The following BRWD1 variants were observed in gnomAD, a reference collection of about 807,000 sequenced individuals.
BRWD1 encodes bromodomain and WD repeat domain containing 1.
BRWD1 carries 82 observed loss-of-function variants against 251.2 expected under a neutral mutation model. The observed-to-expected ratio is 0.33, with a 90% CI of 0.27 to 0.39. The LOEUF is 0.39. Among genes scored for constraint, BRWD1 ranks in the 10% least tolerant of loss-of-function variants. BRWD1 has a pLI of 1.00. For synonymous variants in BRWD1, 918 were observed against 902.8 expected (o/e 1.02, Z -0.30); for missense variants, 2,233 against 2,711.6 (o/e 0.82, Z 3.92).
At position 39,296,603 on chromosome 21, in the gene BRWD1, G is replaced by A. The variant is rs2035968678; in HGVS notation, c.350-240C>T. ...TGTAGCACTTTACAATTCACAAAGT[G>A]CTTTCAACATACATTAGCTCATTGA... On this transcript the variant is annotated intron_variant, in intron 5 of 40. Transcript: ENST00000342449. 15 of 1,085,420 alleles carry A rather than the reference G, an allele frequency of 1.4e-5. No homozygotes were observed. In the East Asian group the frequency reaches 6.4e-4, roughly 46 times the overall value. 67.2% of individuals were successfully genotyped at this position (1,085,420 alleles called of 1,614,324 possible). A position where few individuals can be genotyped will look rare whatever the true frequency, so the allele number is the denominator to read the frequency against.
chr21:39,263,771 A>AT (rs2034831153), intron 17 of BRWD1, among the ~76,000 whole-genome samples: 1 of 152,216 alleles, frequency 6.6e-6, no homozygotes, highest in Non-Finnish European at 1.5e-5. Flanking sequence ...GGTTATTGAC[A>AT]TATCTCCCCA....
chr21:39,265,011 T>A lies in BRWD1; in HGVS notation c.1539A>T (p.Gly513=). ...AGTCAAACACAGCTCCATGTCCTTG[T>A]CCTTCAATCTAGGAAACACAAAAGG... is the stretch of plus-strand genomic sequence containing the variant. ...KMKHYFNMIE[G]QGHGAVFDCK... The change falls in exon 16 of 41, where the codon GGA becomes GGT. Residue 513 remains glycine, a synonymous_variant. Coordinates refer to ENST00000342449, the MANE Select transcript of BRWD1 (RefSeq NM_033656.4). 1 of 1,612,124 alleles carries A rather than the reference T, an allele frequency of 6.2e-7. No homozygotes were observed. The highest frequency in any genetic ancestry group is 1.7e-5 in the Admixed American group (1 of 59,422).
chr21:39,236,890 G>C (rs968964965), intron 22 of BRWD1, 106 bp from the exon 23 acceptor site: 18 of 967,572 alleles, frequency 1.9e-5, no homozygotes, highest in African/African-American at 3.3e-5. Context: ...AAAGGGAAGG[G>C]AAGATACCAG....
Position 39,188,921 on chromosome 21 carries a change from T to A in BRWD1, c.*7338A>T. On this transcript the variant is annotated 3_prime_UTR_variant, in exon 41 of 41. Coordinates refer to ENST00000342449, the MANE Select transcript of BRWD1 (RefSeq NM_033656.4). ...GCATTTTACCAGAGTAAGACACTCATCACGGCATTACTCTCATGCAGCATG... is the reference window on the plus strand; with the variant it reads ...GCATTTTACCAGAGTAAGACACTCAACACGGCATTACTCTCATGCAGCATG... The A allele has an allele frequency of 1.0e-6, 1 of 985,392 alleles. No individual in the cohort carries two copies. The highest frequency in any genetic ancestry group is 1.2e-6 in the Non-Finnish European group (1 of 829,912). The allele number at this position is 985,392 out of a possible 1,614,324, so 61.0% of individuals were successfully genotyped here. A position where few individuals can be genotyped will look rare whatever the true frequency, so the allele number is the denominator to read the frequency against.
At chr21:39,202,104 T>C (rs13051430) in intron 38 of BRWD1, among the ~76,000 whole-genome samples, 141,154 of 152,352 alleles carry the variant, frequency 0.93, 65,745 homozygotes, top group African/African-American at 0.97. Context: ...CTATGTATCA[T>C]GTAATTGACA....
intron 4 of BRWD1, among the ~76,000 whole-genome samples, chr21:39,299,631 A>G (rs2036053976): frequency 6.6e-6 from 1 of 152,164 alleles, no homozygotes; most frequent in African/African-American, 2.4e-5. Flanking sequence ...AGAAACAAAG[A>G]AAAATCTACA....
At chr21:39,311,297 A>G (rs1449352627) in intron 4 of BRWD1, among the ~76,000 whole-genome samples, 2 of 151,966 alleles carry the variant, frequency 1.3e-5, no homozygotes, top group South Asian at 2.1e-4. Flanking sequence ...CCTCCGAAAT[A>G]GCTGGGACTA....
chr21:39,310,139 G>A (rs898295835), intron 4 of BRWD1, among the ~76,000 whole-genome samples: 2 of 152,228 alleles, frequency 1.3e-5, no homozygotes, highest in Admixed American at 1.3e-4. Flanking sequence ...TTTGTTTGAA[G>A]ATGTCCATTG....
chr21:39,286,853 T>C (rs182378098), intron 8 of BRWD1, among the ~76,000 whole-genome samples: 74 of 152,262 alleles, frequency 4.9e-4, no homozygotes, highest in African/African-American at 1.6e-3. Context: ...AATGAACAGT[T>C]GTAGTAATAG....
chr21:39,257,190 T>C (rs1290915899), intron 18 of BRWD1, among the ~76,000 whole-genome samples: 10 of 138,080 alleles, frequency 7.2e-5, no homozygotes, highest in Non-Finnish European at 1.5e-5. Flanking sequence ...AGAGGAGTAG[T>C]ATGAAGCTAT....
chr21:39,207,410 C>T (rs1458810381), intron 36 of BRWD1, among the ~76,000 whole-genome samples: 1 of 141,244 alleles, frequency 7.1e-6, no homozygotes, highest in Non-Finnish European at 1.5e-5. Flanking sequence ...GCCTGGGCAA[C>T]AGAGTGAGAC....
intron 37 of BRWD1, among the ~76,000 whole-genome samples, chr21:39,203,642 C>T (rs1316599052): frequency 6.6e-6 from 1 of 150,478 alleles, no homozygotes; most frequent in African/African-American, 2.4e-5. Context: ...CTCCTGACCT[C>T]GTGATCCACC....
In BRWD1 at chr21:39,198,894, T is replaced by A. The variant is rs2031960686; in HGVS notation, c.5522A>T (p.Glu1841Val). The stretch of plus-strand genomic sequence containing the variant: ...CAGATTTCCTGAAATTGGGTTCATT[T>A]CCATTTTATGACATTTCCCATCTTC... ...DREDGKCHKMEMNPISGNLNC... is the reference protein window; with the variant it reads ...DREDGKCHKMVMNPISGNLNC... Residue 1841 changes from glutamate to valine, a missense_variant, in exon 40 of 41, where the codon GAA becomes GTA. This residue lies in a region of BRWD1 where 928 missense variants were observed against 970.0 expected (regional missense o/e 0.96). Coordinates refer to ENST00000342449, the MANE Select transcript of BRWD1 (RefSeq NM_033656.4). 1 of 1,614,072 alleles carries A rather than the reference T, an allele frequency of 6.2e-7. No homozygotes were observed. Among genetic ancestry groups the A allele is most frequent in the Non-Finnish European group, 8.5e-7 (1 of 1,180,034 alleles).
At chr21:39,305,045 C>T (rs933690365) in intron 4 of BRWD1, among the ~76,000 whole-genome samples, 14 of 148,442 alleles carry the variant, frequency 9.4e-5, no homozygotes, top group Non-Finnish European at 1.5e-4. Flanking sequence ...CTGTAACCTC[C>T]GCCTCTTGGA....
chr21:39,305,388 T>C (rs1390754313), intron 4 of BRWD1, among the ~76,000 whole-genome samples: 3 of 152,102 alleles, frequency 2.0e-5, no homozygotes, highest in Non-Finnish European at 4.4e-5. Context: ...AATAACTTCT[T>C]CTTGTTGGGT....
intron 29 of BRWD1, among the ~76,000 whole-genome samples, chr21:39,221,950 T>C (rs1228533156): frequency 6.7e-6 from 1 of 150,184 alleles, no homozygotes; most frequent in Non-Finnish European, 1.5e-5. Flanking sequence ...TCTACAAAGA[T>C]ATAAAAATGA....
Position 39,195,933 on chromosome 21 carries a change from T to C in BRWD1, c.*326A>G. The C allele has an allele frequency of 9.7e-7, 1 of 1,026,684 alleles. No homozygotes were observed. The allele number at this position is 1,026,684 out of a possible 1,614,324, so 63.6% of individuals were successfully genotyped here. A position where few individuals can be genotyped will look rare whatever the true frequency, so the allele number is the denominator to read the frequency against. ...CAGAAAATAACTGCATGACACTTGC[T>C]GCCATGAAAGTAATGCTCATTGGTT... On this transcript the variant is annotated 3_prime_UTR_variant, in exon 41 of 41. Transcript: ENST00000342449.
intron 33 of BRWD1, among the ~76,000 whole-genome samples, chr21:39,213,050 C>T (rs1323855194): frequency 6.6e-6 from 1 of 152,118 alleles, no homozygotes; most frequent in African/African-American, 2.4e-5. Context: ...ATAGTTTCTG[C>T]ATTTTGTGTT....
intron 36 of BRWD1, among the ~76,000 whole-genome samples, chr21:39,207,459 C>CACACACAG (rs2032453840): frequency 6.7e-6 from 1 of 150,108 alleles, no homozygotes; most frequent in African/African-American, 2.5e-5. Flanking sequence ...AAAACACACA[C>CACACACAG]ACACACACAC....
Sources: gnomAD v4.1 joint callset for allele counts (sites outside exome capture counted in the v4.1 genomes callset) on GRCh38, gnomAD v4.1.1 for gene constraint, gnomAD v4.1.1 regional missense constraint, MANE v1.5 for transcripts, NCBI Gene and HGNC (gene_info 2026-07-23, HGNC 2026-07-21) for gene names.